Variants in NELL1 observed in about 807,000 individuals in gnomAD.
NELL1 encodes protein kinase C-binding protein NELL1.
In NELL1, 76 loss-of-function variants were observed where a neutral mutation model predicts 107.4. The ratio of observed to expected loss-of-function variants is 0.71; its 90% confidence interval spans 0.59 to 0.86. NELL1 has a LOEUF of 0.86. Among genes scored for constraint, NELL1 ranks in the 40% least tolerant of loss-of-function variants. The probability of loss-of-function intolerance (pLI) is 0.00; values close to 1 mark genes in which losing one functional copy is unlikely to be tolerated. For missense variants in NELL1, 1,024 were observed against 1,005.5 expected (o/e 1.02, Z -0.25); for synonymous variants, 353 against 341.2 (o/e 1.03, Z -0.38).
intron 7 of NELL1, 115 bp downstream of exon 7, chr11:20,919,449 T>C: frequency 1.6e-6 from 1 of 624,114 alleles, no homozygotes; most frequent in Non-Finnish European, 2.9e-6. Flanking sequence ...TATATGTTAC[T>C]ACAAAAATGT....
intron 15 of NELL1, among the ~76,000 whole-genome samples, chr11:21,395,141 A>T (rs1851954774): frequency 2.0e-5 from 3 of 151,502 alleles, no homozygotes; most frequent in Admixed American, 1.3e-4. Context: ...AAAAATGATT[A>T]AAAAGGACAG....
At chr11:20,674,678 C>G (rs1361159351) in intron 1 of NELL1, 1 of 699,920 alleles carries the variant, frequency 1.4e-6, no homozygotes, top group Non-Finnish European at 2.5e-6. Context: ...TGGACTGAAA[C>G]TGGATCTCAG....
intron 14 of NELL1, among the ~76,000 whole-genome samples, chr11:21,369,629 T>G (rs1468013753): frequency 6.6e-6 from 1 of 152,088 alleles, no homozygotes; most frequent in East Asian, 1.9e-4. Flanking sequence ...ATATTAATTT[T>G]GAGTGAGCAT....
chr11:20,966,084 C>A (rs1590472212), intron 12 of NELL1, among the ~76,000 whole-genome samples: 1 of 152,140 alleles, frequency 6.6e-6, no homozygotes, highest in Non-Finnish European at 1.5e-5. Context: ...TAAAGCTCTA[C>A]TTTAGACAGC....
At chr11:20,730,427 C>T (rs752697705) in intron 2 of NELL1, among the ~76,000 whole-genome samples, 1 of 152,128 alleles carries the variant, frequency 6.6e-6, no homozygotes, top group Non-Finnish European at 1.5e-5. Flanking sequence ...CAGTCTGTCA[C>T]AAATTTAAGT....
intron 15 of NELL1, among the ~76,000 whole-genome samples, chr11:21,430,556 G>T (rs1405538977): frequency 6.6e-6 from 1 of 152,108 alleles, no homozygotes. Flanking sequence ...ACTATTGTTT[G>T]TTTGTTTGAT....
intron 12 of NELL1, among the ~76,000 whole-genome samples, chr11:20,975,539 G>T (rs1851588023): frequency 7.2e-6 from 1 of 139,106 alleles, no homozygotes; most frequent in African/African-American, 2.6e-5. Flanking sequence ...AATATATTAT[G>T]TATTATATAT....
At chr11:21,071,366 G>T (rs1320947227) in intron 12 of NELL1, among the ~76,000 whole-genome samples, 1 of 152,146 alleles carries the variant, frequency 6.6e-6, no homozygotes, top group Non-Finnish European at 1.5e-5. Flanking sequence ...ATCTTAAGCA[G>T]TTGGCAACAT....
intron 15 of NELL1, among the ~76,000 whole-genome samples, chr11:21,382,438 GATAAATGA>G (rs1390618523): frequency 1.3e-5 from 2 of 151,858 alleles, no homozygotes; most frequent in Non-Finnish European, 2.9e-5. Flanking sequence ...GTAAACATTT[GATAAATGA>G]ATAAATGAAT....
intron 13 of NELL1, among the ~76,000 whole-genome samples, chr11:21,157,312 C>A (rs1019476086): frequency 1.3e-4 from 20 of 151,998 alleles, no homozygotes; most frequent in Non-Finnish European, 2.6e-4. Flanking sequence ...TACAGTATTT[C>A]ATTTTCTTCC....
intron 12 of NELL1, among the ~76,000 whole-genome samples, chr11:21,090,371 T>C (rs1249877571): frequency 1.3e-5 from 2 of 152,156 alleles, no homozygotes; most frequent in Non-Finnish European, 2.9e-5. Context: ...GAAAAAGGCA[T>C]TGGGGTTCTC....
rs537569785 is a variant in NELL1 at position 20,674,404 on chromosome 11, G to C, written c.56-3528G>C. 8.5e-6 allele frequency: 9 copies of C among 1,064,740 alleles called. No individual in the cohort carries two copies. The East Asian group carries it at 2.3e-4, about 27-fold the overall frequency. 66.0% of individuals were successfully genotyped at this position (1,064,740 alleles called of 1,614,324 possible). A position where few individuals can be genotyped will look rare whatever the true frequency, so the allele number is the denominator to read the frequency against. On this transcript the variant is annotated intron_variant, in intron 1 of 19. Transcript: ENST00000357134. Reference sequence around the variant, plus strand: ...ATGGAGCTGTTGAAGTGTGAATATAGTTTCCCCGAGTCCTCATGAGTCTGG... The same window carrying C: ...ATGGAGCTGTTGAAGTGTGAATATACTTTCCCCGAGTCCTCATGAGTCTGG...
intron 15 of NELL1, among the ~76,000 whole-genome samples, chr11:21,511,393 C>T (rs1855431014): frequency 6.6e-6 from 1 of 152,116 alleles, no homozygotes. Flanking sequence ...GAAGCGCCCT[C>T]CACTAAGCCT....
chr11:20,950,109 G>C (rs1384027330), intron 11 of NELL1, among the ~76,000 whole-genome samples: 1 of 152,110 alleles, frequency 6.6e-6, no homozygotes, highest in African/African-American at 2.4e-5. Context: ...TCCCATCTCA[G>C]AGTCAGACTC....
Position 21,113,730 on chromosome 11 carries a change from C to T in NELL1, c.1426+16C>T, listed in dbSNP as rs1194861800. 1.9e-6 allele frequency: 3 copies of T among 1,607,656 alleles called. No homozygotes were observed. The African/African-American group carries it at 4.0e-5, about 22-fold the overall frequency. ...TCTTGTACAGGTGAGCTTTAAGAAG[C>T]AGTGTTGTTTTTTTAATTCATCCAT... is the stretch of plus-strand genomic sequence containing the variant. On this transcript the variant is annotated intron_variant, in intron 13 of 19. Coordinates refer to ENST00000357134, the MANE Select transcript of NELL1 (RefSeq NM_006157.5).
At chr11:21,016,250 C>T (rs1015750477) in intron 12 of NELL1, among the ~76,000 whole-genome samples, 1 of 152,070 alleles carries the variant, frequency 6.6e-6, no homozygotes, top group Non-Finnish European at 1.5e-5. Flanking sequence ...TTCACTTTCT[C>T]CCTTTCAATA....
At chr11:21,325,659 C>T (rs560841363) in intron 14 of NELL1, among the ~76,000 whole-genome samples, 9 of 151,924 alleles carry the variant, frequency 5.9e-5, no homozygotes, top group South Asian at 2.1e-4. Context: ...CAGTGAAATA[C>T]GTAAATCACA....
At chr11:20,751,035 G>A (rs1177311377) in intron 2 of NELL1, among the ~76,000 whole-genome samples, 1 of 152,046 alleles carries the variant, frequency 6.6e-6, no homozygotes, top group Admixed American at 6.5e-5. Flanking sequence ...GTGTGTGTGT[G>A]TGTGTTTGTG....
chr11:20,932,864 C>A (rs960911227), intron 9 of NELL1, among the ~76,000 whole-genome samples: 2 of 152,108 alleles, frequency 1.3e-5, no homozygotes, highest in Admixed American at 6.5e-5. Flanking sequence ...ATGGAAGACA[C>A]AGAAGTCACA....
Sources: gnomAD v4.1 joint callset for allele counts (sites outside exome capture counted in the v4.1 genomes callset) on GRCh38, gnomAD v4.1.1 for gene constraint, MANE v1.5 for transcripts, NCBI Gene and HGNC (gene_info 2026-07-23, HGNC 2026-07-21) for gene names.